AGBL3: variants seen among roughly 807,000 people sequenced by gnomAD.
AGBL3 encodes the protein AGBL carboxypeptidase 3.
AGBL3 carries 68 observed loss-of-function variants against 94.5 expected under a neutral mutation model. The ratio of observed to expected loss-of-function variants is 0.72; its 90% confidence interval spans 0.59 to 0.88. The LOEUF is 0.88. Among genes scored for constraint, AGBL3 ranks in the 40% least tolerant of loss-of-function variants. The pLI is 0.00. For missense variants in AGBL3, 934 were observed against 1,103.8 expected (o/e 0.85, Z 2.18); for synonymous variants, 354 against 370.7 (o/e 0.95, Z 0.52).
chr7:135,049,610 C>T (rs1324421653), intron 11 of AGBL3, among the ~76,000 whole-genome samples: 2 of 151,898 alleles, frequency 1.3e-5, no homozygotes, highest in African/African-American at 4.8e-5. Context: ...TAGGCCTGTT[C>T]AGACTTTCTA....
chr7:135,033,118 G>T, intron 6 of AGBL3, 136 bp downstream of exon 6: 1 of 962,540 alleles, frequency 1.0e-6, no homozygotes. Context: ...ATTAGAAATT[G>T]TTGTGGAGGA....
intron 15 of AGBL3, chr7:135,094,389 A>T (rs1417110753): frequency 4.4e-6 from 2 of 456,706 alleles, no homozygotes; most frequent in Non-Finnish European, 8.8e-6. Flanking sequence ...CTGAGGCAGA[A>T]GCTGCTAGAA....
chr7:135,010,839 G>A (rs1337257794), intron 4 of AGBL3: 2 of 152,130 alleles, frequency 1.3e-5, no homozygotes, highest in Admixed American at 1.3e-4. Context: ...AGTAAATAGA[G>A]GGAAATAGCA....
intron 16 of AGBL3, among the ~76,000 whole-genome samples, chr7:135,117,982 G>A (rs1478722697): frequency 6.6e-6 from 1 of 152,174 alleles, no homozygotes; most frequent in Non-Finnish European, 1.5e-5. Context: ...TTTGAGCTAA[G>A]GGAAGTAAAA....
At chr7:134,996,583 T>TTA (rs1170492636) in intron 4 of AGBL3, among the ~76,000 whole-genome samples, 2 of 152,278 alleles carry the variant, frequency 1.3e-5, no homozygotes, top group East Asian at 3.9e-4. Flanking sequence ...CCATATCAGT[T>TTA]TATATATATT....
chr7:135,037,644 T>A, intron 8 of AGBL3, 64 bp downstream of exon 8: 2 of 1,333,722 alleles, frequency 1.5e-6, no homozygotes, highest in Non-Finnish European at 2.0e-6. Context: ...GATAGCAGAA[T>A]GGCCCACGTG....
chr7:134,996,939 C>T lies in AGBL3; in HGVS notation c.310+3261C>T, dbSNP rs142689579. Reference sequence around the variant, plus strand: ...AAAGACTTGCAGAATTCAGAGAAGCCATTATACTCATGGTTATGGTTTATT... The same window carrying T: ...AAAGACTTGCAGAATTCAGAGAAGCTATTATACTCATGGTTATGGTTTATT... On this transcript the variant is annotated intron_variant, in intron 4 of 16. Transcript: ENST00000436302. Among the ~76,000 whole-genome samples, 151 of 152,258 alleles carry T rather than the reference C, an allele frequency of 9.9e-4. 2 individuals are homozygous for T. Among genetic ancestry groups the T allele is most frequent in the African/African-American group, 3.5e-3 (144 of 41,548 alleles).
At chr7:134,993,307 C>T (rs2718160) in intron 3 of AGBL3, among the ~76,000 whole-genome samples, 186 bp from the exon 4 acceptor site, 10,960 of 152,216 alleles carry the variant, frequency 0.072, 1,265 homozygotes, top group African/African-American at 0.25. Flanking sequence ...CTTTTGGCTA[C>T]TGTGAAGATC....
At chr7:135,054,624 C>T (rs187382789) in intron 11 of AGBL3, among the ~76,000 whole-genome samples, 70 of 152,116 alleles carry the variant, frequency 4.6e-4, no homozygotes, top group African/African-American at 1.6e-3. Flanking sequence ...ATATAATAAA[C>T]TACTTATGTA....
At chr7:135,095,326 A>G (rs565583680) in intron 15 of AGBL3, among the ~76,000 whole-genome samples, 8 of 152,316 alleles carry the variant, frequency 5.3e-5, no homozygotes, top group South Asian at 4.1e-4. Context: ...CTCCAGTATA[A>G]TAACAGTGGT....
intron 4 of AGBL3, among the ~76,000 whole-genome samples, chr7:134,998,746 C>T (rs139118502): frequency 6.6e-5 from 10 of 152,224 alleles, no homozygotes; most frequent in South Asian, 4.1e-4. Context: ...ATAGCAATTC[C>T]GACATAAAGG....
chr7:135,048,617 T>C (rs1817591145), intron 11 of AGBL3, among the ~76,000 whole-genome samples: 1 of 151,912 alleles, frequency 6.6e-6, no homozygotes, highest in Non-Finnish European at 1.5e-5. Context: ...ATGGGATATT[T>C]TGTAAAATGG....
At chr7:135,051,509 G>A (rs1817872882) in intron 11 of AGBL3, among the ~76,000 whole-genome samples, 1 of 152,014 alleles carries the variant, frequency 6.6e-6, no homozygotes, top group African/African-American at 2.4e-5. Context: ...ACTGGAATCT[G>A]CCATTTCTCT....
chr7:135,028,243 C>T (rs1815359447), intron 5 of AGBL3, among the ~76,000 whole-genome samples: 1 of 151,458 alleles, frequency 6.6e-6, no homozygotes, highest in African/African-American at 2.4e-5. Flanking sequence ...GTCAATTAGA[C>T]ATAATTGACT....
chr7:135,097,347 C>T (rs1047214112), intron 15 of AGBL3, among the ~76,000 whole-genome samples: 9 of 152,142 alleles, frequency 5.9e-5, no homozygotes, highest in South Asian at 2.1e-4. Context: ...GAAAAAATCC[C>T]CATGGCTTTT....
rs978304012 is a variant in AGBL3 at position 135,065,754 on chromosome 7, T to C, written c.1908+6519T>C. 3.9e-5 allele frequency among the ~76,000 whole-genome samples: 6 copies of C among 152,218 alleles called. No homozygotes were observed. In the East Asian group the frequency reaches 5.8e-4, roughly 15 times the overall value. Reference sequence around the variant, plus strand: ...AAAAAATAAGAAAATTATCCGGGCATGGTGGCTCACGCCTATAGTCCCAGC... The same window carrying C: ...AAAAAATAAGAAAATTATCCGGGCACGGTGGCTCACGCCTATAGTCCCAGC... On this transcript the variant is annotated intron_variant, in intron 12 of 16. Transcript: ENST00000436302.
chr7:135,105,215 G>A (rs889195617), intron 15 of AGBL3, among the ~76,000 whole-genome samples: 1 of 151,832 alleles, frequency 6.6e-6, no homozygotes, highest in Non-Finnish European at 1.5e-5. Flanking sequence ...GATTACAGGT[G>A]CCCACCACCA....
At chr7:135,033,627 CTAAG>C (rs1311082375) in intron 6 of AGBL3, among the ~76,000 whole-genome samples, 1 of 152,118 alleles carries the variant, frequency 6.6e-6, no homozygotes, top group African/African-American at 2.4e-5. Flanking sequence ...TCTCCAAAGA[CTAAG>C]TAAAGGGATG....
At chr7:135,091,713 C>A (rs945241992) in intron 15 of AGBL3, among the ~76,000 whole-genome samples, 2 of 152,308 alleles carry the variant, frequency 1.3e-5, no homozygotes, top group Non-Finnish European at 2.9e-5. Context: ...CAAAGATGAT[C>A]CTGTTGCCTC....
Sources: allele counts gnomAD v4.1 joint callset (sites outside exome capture counted in the v4.1 genomes callset), GRCh38; gene constraint gnomAD v4.1.1; transcripts MANE v1.5; gene names NCBI Gene and HGNC (gene_info 2026-07-23, HGNC 2026-07-21).